Variants in EXOC2 observed in about 807,000 individuals in gnomAD.
EXOC2 encodes SEC5-like 1.
EXOC2 carries 70 observed loss-of-function variants against 131.8 expected under a neutral mutation model. That is an observed-to-expected ratio of 0.53 (90% CI 0.44 to 0.65). The LOEUF (loss-of-function observed/expected upper bound fraction) is 0.65, where lower values mean the gene tolerates loss of function less well. Among genes scored for constraint, EXOC2 ranks in the 30% least tolerant of loss-of-function variants. The pLI, the probability that EXOC2 is intolerant of heterozygous loss-of-function variation, is 0.00. For synonymous variants in EXOC2, 411 were observed against 398.4 expected, an observed-to-expected ratio of 1.03 and a Z score of -0.38; for missense variants, 923 against 1,108.6, an observed-to-expected ratio of 0.83 and a Z score of 2.38.
At chr6:670,231 G>T (rs892433144) in intron 1 of EXOC2, 1 of 152,252 alleles carries the variant, frequency 6.6e-6, no homozygotes, top group Non-Finnish European at 1.5e-5. Context: ...CTGCAAACGT[G>T]AGGTTCAGTT....
At chr6:642,854 A>C (rs1762416773) in intron 1 of EXOC2, among the ~76,000 whole-genome samples, 1 of 152,132 alleles carries the variant, frequency 6.6e-6, no homozygotes, top group Non-Finnish European at 1.5e-5. Context: ...GATTTATCTA[A>C]AGATATATAG....
rs1414031809 is a variant in EXOC2 at position 485,324 on chromosome 6, TA to T, written c.*1346del. ...TTTATCAAGCACATTTGTGAAAGAT[TA>T]AACTTTCATTTCCAGTTACCATGAT... is the stretch of plus-strand genomic sequence containing the variant. On this transcript the variant is annotated 3_prime_UTR_variant, in exon 28 of 28. Coordinates refer to ENST00000230449, the MANE Select transcript of EXOC2 (RefSeq NM_018303.6). 2 of 152,230 alleles carry T rather than the reference TA, an allele frequency of 1.3e-5. No homozygotes were observed. Among genetic ancestry groups the T allele is most frequent in the African/African-American group, 4.8e-5 (2 of 41,446 alleles). 9.4% of individuals were successfully genotyped at this position (152,230 alleles called of 1,614,324 possible).
intron 23 of EXOC2, among the ~76,000 whole-genome samples, chr6:516,183 G>T (rs1432995518): frequency 6.6e-6 from 1 of 152,272 alleles, no homozygotes; most frequent in Non-Finnish European, 1.5e-5. Flanking sequence ...TCACCTTACC[G>T]CAGAGGGCAA....
chr6:520,918 AT>A (rs878994912), intron 23 of EXOC2, among the ~76,000 whole-genome samples: 3 of 136,958 alleles, frequency 2.2e-5, no homozygotes, highest in East Asian at 2.7e-4. Flanking sequence ...GGACATGAAA[AT>A]CACCACCCAC....
intron 25 of EXOC2, among the ~76,000 whole-genome samples, chr6:492,146 A>G (rs1763470761): frequency 6.6e-6 from 1 of 152,264 alleles, no homozygotes; most frequent in South Asian, 2.1e-4. Context: ...AGTGGACTTC[A>G]CCAAAATTAA....
chr6:526,039 T>C (rs1765715664), intron 23 of EXOC2, among the ~76,000 whole-genome samples: 1 of 152,268 alleles, frequency 6.6e-6, no homozygotes, highest in South Asian at 2.1e-4. Context: ...TAAACATCAC[T>C]GTACATAATT....
intron 22 of EXOC2, among the ~76,000 whole-genome samples, chr6:541,840 C>A (rs1486232751): frequency 6.6e-6 from 1 of 152,200 alleles, no homozygotes; most frequent in African/African-American, 2.4e-5. Context: ...AATACCACTA[C>A]CAGAGCGTTT....
rs1292979995 is a variant in EXOC2, at chr6:486,350, C to G, written c.*321G>C. 2 of 245,198 alleles carry G rather than the reference C, an allele frequency of 8.2e-6. No homozygotes were observed. The highest frequency in any genetic ancestry group is 5.3e-5 in the Admixed American group (1 of 18,842). 15.2% of individuals were successfully genotyped at this position (245,198 alleles called of 1,614,324 possible). A position where few individuals can be genotyped will look rare whatever the true frequency, so the allele number is the denominator to read the frequency against. The stretch of plus-strand genomic sequence containing the variant: ...CTGAGAAATGCTTCAATATGTGCCA[C>G]GCCATTCCAGAAAACTCCCTGCAGA... On this transcript the variant is annotated 3_prime_UTR_variant, in exon 28 of 28. Transcript: ENST00000230449.
chr6:611,325 C>T (rs1173345812), intron 6 of EXOC2, among the ~76,000 whole-genome samples: 2 of 152,224 alleles, frequency 1.3e-5, no homozygotes, highest in Non-Finnish European at 2.9e-5. Flanking sequence ...GCACCCACTG[C>T]AGCTGCACCG....
At chr6:568,269 G>A (rs529926661) in intron 13 of EXOC2, among the ~76,000 whole-genome samples, 165 of 152,324 alleles carry the variant, frequency 1.1e-3, no homozygotes, top group Non-Finnish European at 2.2e-3. Context: ...TCAGTTGAAG[G>A]CCTGAACAGC....
intron 4 of EXOC2, among the ~76,000 whole-genome samples, chr6:629,008 C>A (rs754424246): frequency 3.3e-5 from 5 of 152,178 alleles, no homozygotes; most frequent in Non-Finnish European, 7.3e-5. Flanking sequence ...TTCCCCTCAG[C>A]CAGGGGCAAA....
intron 13 of EXOC2, among the ~76,000 whole-genome samples, chr6:566,114 T>C (rs181301124): frequency 7.2e-4 from 109 of 152,342 alleles, no homozygotes; most frequent in African/African-American, 2.5e-3. Flanking sequence ...TAAAGGTATG[T>C]ATAAAAACTA....
intron 11 of EXOC2, among the ~76,000 whole-genome samples, chr6:590,665 A>G (rs1394407344): frequency 6.6e-6 from 1 of 152,126 alleles, no homozygotes; most frequent in Non-Finnish European, 1.5e-5. Context: ...CTTCTGCTTC[A>G]TCTTGGAGAT....
At chr6:692,730 G>A (rs1419508909) in intron 1 of EXOC2, among the ~76,000 whole-genome samples, 1 of 148,828 alleles carries the variant, frequency 6.7e-6, no homozygotes, top group East Asian at 2.1e-4. Context: ...GGGGCCTGGA[G>A]TCAGCCCTCT....
rs1173722792 is a variant in EXOC2, at chr6:506,965, A to ATTACATGCAGGACACTT, written c.2381-7282_2381-7266dup. 3.3e-5 allele frequency among the ~76,000 whole-genome samples: 5 copies of ATTACATGCAGGACACTT among 151,888 alleles called. No individual in the cohort carries two copies. Among genetic ancestry groups the ATTACATGCAGGACACTT allele is most frequent in the Non-Finnish European group, 7.4e-5 (5 of 67,972 alleles). On this transcript the variant is annotated intron_variant, in intron 23 of 27. Coordinates refer to ENST00000230449, the MANE Select transcript of EXOC2 (RefSeq NM_018303.6). This position sits in a 1 kb window ranked among gnomAD's most constrained non-coding sequence, Gnocchi z 4.4. ...AAATACTTCCTGAGTGTCCATTATT[A>ATTACATGCAGGACACTT]TTACATGCAGGACACTTTTCCAGGG... is the stretch of plus-strand genomic sequence containing the variant.
intron 11 of EXOC2, among the ~76,000 whole-genome samples, chr6:581,786 G>C (rs996632639): frequency 4.6e-5 from 7 of 151,852 alleles, no homozygotes; most frequent in African/African-American, 1.7e-4. Context: ...AGACACAACT[G>C]TTTTTAACTA....
intron 4 of EXOC2, among the ~76,000 whole-genome samples, chr6:621,308 T>C (rs1011931931): frequency 1.3e-5 from 2 of 152,210 alleles, no homozygotes; most frequent in African/African-American, 4.8e-5. Flanking sequence ...TCCCACTTCA[T>C]GGCCTACCCC....
rs148634602 is a variant in EXOC2 at position 568,439 on chromosome 6, C to G, written c.1444-3510G>C. 6.6e-5 allele frequency among the ~76,000 whole-genome samples: 10 copies of G among 152,316 alleles called. No individual in the cohort carries two copies. The East Asian group carries it at 1.9e-3, about 29-fold the overall frequency. On this transcript the variant is annotated intron_variant, in intron 13 of 27. Transcript: ENST00000230449. ...GCATTCAAACTGGAGCTTACAGCAT[C>G]GGCCATCCAGCTGGGCAATGCATCC... is the stretch of plus-strand genomic sequence containing the variant.
At chr6:532,734 G>A (rs548356753) in intron 22 of EXOC2, 124 bp from the exon 23 acceptor site, 11 of 946,266 alleles carry the variant, frequency 1.2e-5, no homozygotes, top group East Asian at 6.0e-5. Context: ...ACAAAAACTC[G>A]TGACTTTTAT....
Sources: gnomAD v4.1 joint callset for allele counts (sites outside exome capture counted in the v4.1 genomes callset) on GRCh38, gnomAD v4.1.1 for gene constraint, Gnocchi (gnomAD v3.1) non-coding constraint, MANE v1.5 for transcripts, NCBI Gene and HGNC (gene_info 2026-07-23, HGNC 2026-07-21) for gene names.